The following MACROD1 variants were observed in gnomAD, a reference collection of about 807,000 sequenced individuals.
The protein encoded by MACROD1 is mono-ADP ribosylhydrolase 1.
MACROD1 carries 31 observed loss-of-function variants against 41.4 expected under a neutral mutation model. That is an observed-to-expected ratio of 0.75 (90% CI 0.56 to 1.01). The LOEUF (loss-of-function observed/expected upper bound fraction) is 1.01, where lower values mean the gene tolerates loss of function less well. Among genes scored for constraint, MACROD1 ranks in the 50% least tolerant of loss-of-function variants. The pLI, the probability that MACROD1 is intolerant of heterozygous loss-of-function variation, is 0.00. For synonymous variants in MACROD1, 252 were observed against 203.4 expected (o/e 1.24, Z -2.03); for missense variants, 473 against 460.0 (o/e 1.03, Z -0.26).
chr11:64,149,840 C>A (rs978611728), intron 3 of MACROD1, among the ~76,000 whole-genome samples: 3 of 152,246 alleles, frequency 2.0e-5, no homozygotes, highest in Non-Finnish European at 4.4e-5. Flanking sequence ...ACGCCCTTCT[C>A]CCCTAGGCCG....
intron 1 of MACROD1, among the ~76,000 whole-genome samples, chr11:64,159,268 G>A (rs189768018): frequency 1.6e-3 from 234 of 148,478 alleles, no homozygotes; most frequent in African/African-American, 5.5e-3. Flanking sequence ...GCAGCGAGCC[G>A]AGATTGCACC....
In MACROD1 at chr11:64,015,297, A is replaced by G. The variant is rs998902839; in HGVS notation, c.518-16T>C. 2.5e-6 allele frequency: 4 copies of G among 1,603,620 alleles called. No homozygotes were observed. In the African/African-American group the frequency reaches 5.4e-5, roughly 22 times the overall value. On this transcript the variant is annotated splice_polypyrimidine_tract_variant and intron_variant, in intron 3 of 10. Transcript: ENST00000255681. ...GAGCTGTTGGCTGCAAGAGAGAGAG[A>G]CAAAGGCAGATCAGTGGGGAAGGGG...
At chr11:64,054,666 C>T (rs1943751153) in intron 3 of MACROD1, among the ~76,000 whole-genome samples, 2 of 151,898 alleles carry the variant, frequency 1.3e-5, no homozygotes, top group African/African-American at 4.8e-5. Context: ...AGAGAGACAA[C>T]CTCACCTCCT....
Position 64,067,719 on chromosome 11 carries a change from C to T in MACROD1, c.518-52438G>A, listed in dbSNP as rs1261813627. 2.6e-5 allele frequency among the ~76,000 whole-genome samples: 4 copies of T among 152,294 alleles called. No individual in the cohort carries two copies. The highest frequency in any genetic ancestry group is 4.8e-5 in the African/African-American group (2 of 41,558). On this transcript the variant is annotated intron_variant, in intron 3 of 10. Transcript: ENST00000255681. This position sits in a 1 kb window ranked among gnomAD's most constrained non-coding sequence, Gnocchi z 4.6. ...CTGCAGTGATTGCGGACACGCCCCT[C>T]GCGAGGCACCGCAGGCTGCCACCCC...
intron 3 of MACROD1, among the ~76,000 whole-genome samples, chr11:64,105,364 G>A (rs1203548617): frequency 1.3e-5 from 2 of 152,214 alleles, no homozygotes; most frequent in African/African-American, 2.4e-5. Flanking sequence ...GGTCTGCTCA[G>A]TGGCTCTGTG....
At chr11:64,050,274 G>T (rs1405384930) in intron 3 of MACROD1, among the ~76,000 whole-genome samples, 1 of 152,148 alleles carries the variant, frequency 6.6e-6, no homozygotes, top group Non-Finnish European at 1.5e-5. Flanking sequence ...CGAGAGATGA[G>T]TGGCTCCCCA....
rs55995667 is a variant in MACROD1 at position 64,143,753 on chromosome 11, T to TACACACACACACACACACACAC, written c.517+7464_517+7485dup. ...CCTTCCCCCAACCCCGACACACACA[T>TACACACACACACACACACACAC]ACACACACACACACACACACACACA... is the stretch of plus-strand genomic sequence containing the variant. On this transcript the variant is annotated intron_variant, in intron 3 of 10. Transcript: ENST00000255681. 2.4e-4 allele frequency among the ~76,000 whole-genome samples: 24 copies of TACACACACACACACACACACAC among 101,666 alleles called. 1 individual carries two copies. Among genetic ancestry groups the TACACACACACACACACACACAC allele is most frequent in the Admixed American group, 1.2e-3 (11 of 9,522 alleles). 66.7% of individuals were successfully genotyped at this position (101,666 alleles called of 152,430 possible).
rs541418592 is a variant in MACROD1, at chr11:64,105,695, G to A, written c.517+45544C>T. On this transcript the variant is annotated intron_variant, in intron 3 of 10. Coordinates refer to ENST00000255681, the MANE Select transcript of MACROD1 (RefSeq NM_014067.4). ...TGCAGACATGCTGGTGGAGAAGAGC[G>A]GCTCCCATGAGGCCCTGCTGGAGTT... is the stretch of plus-strand genomic sequence containing the variant. 6.6e-5 allele frequency among the ~76,000 whole-genome samples: 10 copies of A among 152,292 alleles called. No homozygotes were observed. In the South Asian group the frequency reaches 1.4e-3, roughly 22 times the overall value.
intron 1 of MACROD1, among the ~76,000 whole-genome samples, chr11:64,154,787 C>G (rs1945641745): frequency 6.6e-6 from 1 of 152,196 alleles, no homozygotes; most frequent in South Asian, 2.1e-4. Flanking sequence ...GTGGCACGAT[C>G]TTGGCTCACT....
intron 1 of MACROD1, among the ~76,000 whole-genome samples, chr11:64,159,074 C>T (rs1323115213): frequency 4.6e-5 from 7 of 152,024 alleles, no homozygotes; most frequent in African/African-American, 1.7e-4. Flanking sequence ...GTAATTCCAG[C>T]ACTTTGGGAG....
chr11:64,136,668 G>A (rs545953533), intron 3 of MACROD1, among the ~76,000 whole-genome samples: 47 of 152,302 alleles, frequency 3.1e-4, no homozygotes, highest in African/African-American at 8.9e-4. Context: ...GGGACCCCCC[G>A]CCACCGACCT....
intron 3 of MACROD1, among the ~76,000 whole-genome samples, chr11:64,100,602 A>T (rs1011222823): frequency 6.6e-6 from 1 of 152,088 alleles, no homozygotes; most frequent in South Asian, 2.1e-4. Flanking sequence ...ACGCATTTAC[A>T]TATTTATTCT....
At chr11:64,132,094 C>T (rs113653650) in intron 3 of MACROD1, among the ~76,000 whole-genome samples, 9 of 152,240 alleles carry the variant, frequency 5.9e-5, no homozygotes, top group Admixed American at 2.0e-4. Context: ...GCTGATACTC[C>T]GTCTGAACTC....
At chr11:64,062,944 C>T (rs1013706926) in intron 3 of MACROD1, among the ~76,000 whole-genome samples, 2 of 152,230 alleles carry the variant, frequency 1.3e-5, no homozygotes, top group Admixed American at 1.3e-4. Flanking sequence ...CACCTCCGTG[C>T]TCCAGCATGG....
At chr11:64,062,637 C>G (rs1181327752) in intron 3 of MACROD1, among the ~76,000 whole-genome samples, 1 of 152,348 alleles carries the variant, frequency 6.6e-6, no homozygotes, top group African/African-American at 2.4e-5. Flanking sequence ...AGGCACGTGG[C>G]CCTGCCTCAG....
chr11:64,029,531 C>T (rs982716733), intron 3 of MACROD1, among the ~76,000 whole-genome samples: 4 of 152,176 alleles, frequency 2.6e-5, no homozygotes, highest in Non-Finnish European at 5.9e-5. Context: ...GCATCCCCTT[C>T]CTCACTGTCC....
chr11:64,058,984 C>G (rs895721098), intron 3 of MACROD1, among the ~76,000 whole-genome samples: 1 of 152,156 alleles, frequency 6.6e-6, no homozygotes, highest in Non-Finnish European at 1.5e-5. Flanking sequence ...CCCCTACCTT[C>G]AAAACAGGGG....
intron 3 of MACROD1, among the ~76,000 whole-genome samples, chr11:64,132,960 C>T (rs1304776182): frequency 1.3e-5 from 2 of 152,208 alleles, no homozygotes; most frequent in African/African-American, 2.4e-5. Flanking sequence ...CCAGGTCTGT[C>T]CGGGTTCCCC....
At chr11:64,078,650 T>C (rs1484182894) in intron 3 of MACROD1, among the ~76,000 whole-genome samples, 2 of 152,108 alleles carry the variant, frequency 1.3e-5, no homozygotes, top group African/African-American at 2.4e-5. Flanking sequence ...CCTGCATCCT[T>C]GTCCTACAAA....
Sources: gnomAD v4.1 joint callset for allele counts (sites outside exome capture counted in the v4.1 genomes callset) on GRCh38, gnomAD v4.1.1 for gene constraint, Gnocchi (gnomAD v3.1) non-coding constraint, MANE v1.5 for transcripts, NCBI Gene and HGNC (gene_info 2026-07-23, HGNC 2026-07-21) for gene names.